The following CDH12 variants were observed in gnomAD, a reference collection of about 807,000 sequenced individuals.
CDH12 encodes cadherin 12, also known as cadherin-12.
CDH12 carries 41 observed loss-of-function variants against 74.1 expected under a neutral mutation model. The observed-to-expected ratio is 0.55, with a 90% CI of 0.43 to 0.72. The LOEUF is 0.72. Among genes scored for constraint, CDH12 ranks in the 30% least tolerant of loss-of-function variants. The pLI is 0.00. For synonymous variants in CDH12, 399 were observed against 355.0 expected (o/e 1.12, Z -1.39); for missense variants, 945 against 977.2 (o/e 0.97, Z 0.44).
chr5:22,170,640 C>G (rs560592224), intron 4 of CDH12, among the ~76,000 whole-genome samples: 8 of 151,382 alleles, frequency 5.3e-5, no homozygotes, highest in Admixed American at 3.3e-4. Context: ...GTGCTTTCCT[C>G]TAATTATCAT....
intron 1 of CDH12, among the ~76,000 whole-genome samples, chr5:22,730,453 ATC>A (rs1744376829): frequency 6.6e-6 from 1 of 151,864 alleles, no homozygotes; most frequent in African/African-American, 2.4e-5. Context: ...GAAAAAAGTA[ATC>A]TGAGTCCTAG....
chr5:21,832,321 G>T (rs1749068264), intron 8 of CDH12, among the ~76,000 whole-genome samples: 1 of 152,042 alleles, frequency 6.6e-6, no homozygotes, highest in African/African-American at 2.4e-5. Flanking sequence ...TGTGATATTA[G>T]TAATAATAGC....
At position 22,001,808 on chromosome 5, in the gene CDH12, C is replaced by T. The variant is rs1050219939; in HGVS notation, c.232-26423G>A. On this transcript the variant is annotated intron_variant, in intron 5 of 14. Coordinates refer to ENST00000382254, the MANE Select transcript of CDH12 (RefSeq NM_004061.5). ...GATTAGAGATGCAGAAACTGGTTTA[C>T]GATCATAAAAAAGAAAGCCACATGT... is the stretch of plus-strand genomic sequence containing the variant. Among the ~76,000 whole-genome samples the T allele has an allele frequency of 8.3e-4, 126 of 151,840 alleles. 1 individual carries two copies. Among genetic ancestry groups the T allele is most frequent in the African/African-American group, 3.0e-3 (123 of 41,396 alleles).
chr5:21,822,341 G>C (rs184622528), intron 8 of CDH12, among the ~76,000 whole-genome samples: 19 of 149,364 alleles, frequency 1.3e-4, no homozygotes, highest in Non-Finnish European at 2.2e-4. Context: ...GGAGATGAAA[G>C]AAAGACAGAT....
At chr5:22,834,152 C>T (rs1736727461) in intron 1 of CDH12, among the ~76,000 whole-genome samples, 2 of 152,142 alleles carry the variant, frequency 1.3e-5, no homozygotes, top group Non-Finnish European at 2.9e-5. Flanking sequence ...CTCTTTTCCT[C>T]TGGAATAGGT....
chr5:22,545,676 A>G (rs530029840), intron 1 of CDH12, among the ~76,000 whole-genome samples: 2 of 152,352 alleles, frequency 1.3e-5, no homozygotes, highest in African/African-American at 4.8e-5. Context: ...ATTTTAATCC[A>G]TAAATTATCT....
chr5:21,796,970 C>G (rs1746814548), intron 10 of CDH12, among the ~76,000 whole-genome samples: 1 of 152,040 alleles, frequency 6.6e-6, no homozygotes, highest in Non-Finnish European at 1.5e-5. Flanking sequence ...GTGTTCACCT[C>G]AAACAAATAT....
chr5:21,781,606 A>G (rs990665159), intron 11 of CDH12, among the ~76,000 whole-genome samples: 1 of 151,880 alleles, frequency 6.6e-6, no homozygotes, highest in Non-Finnish European at 1.5e-5. Flanking sequence ...TGCCTGTGAT[A>G]CCAGCTACTC....
intron 3 of CDH12, among the ~76,000 whole-genome samples, chr5:22,328,104 C>T (rs1028937073): frequency 1.3e-5 from 2 of 152,120 alleles, no homozygotes; most frequent in African/African-American, 4.8e-5. Flanking sequence ...TTCACTAGAG[C>T]TTCTATCTAT....
At chr5:22,651,925 A>AC (rs996584309) in intron 1 of CDH12, among the ~76,000 whole-genome samples, 34 of 151,968 alleles carry the variant, frequency 2.2e-4, no homozygotes, top group Non-Finnish European at 4.1e-4. Flanking sequence ...TCACAGGAAA[A>AC]CCCCCCTCGG....
Position 22,732,471 on chromosome 5 carries a change from TAC to T in CDH12, c.-523+120585_-523+120586del, listed in dbSNP as rs58402882. 1.1e-3 allele frequency among the ~76,000 whole-genome samples: 78 copies of T among 72,686 alleles called. No homozygotes were observed. The Middle Eastern group carries it at 0.03, about 28-fold the overall frequency. The allele number at this position is 72,686 out of a possible 152,430, so 47.7% of individuals were successfully genotyped here. On this transcript the variant is annotated intron_variant, in intron 1 of 14. Coordinates refer to ENST00000382254, the MANE Select transcript of CDH12 (RefSeq NM_004061.5). Reference sequence around the variant, plus strand: ...GAATGTGTGTGTATATATATATATATACACACACACACACACACACACACACA... The same window carrying T: ...GAATGTGTGTGTATATATATATATATACACACACACACACACACACACACA...
At chr5:21,985,761 A>G (rs1433456356) in intron 5 of CDH12, among the ~76,000 whole-genome samples, 1 of 152,130 alleles carries the variant, frequency 6.6e-6, no homozygotes, top group Non-Finnish European at 1.5e-5. Context: ...TCAAGCTAAT[A>G]CTTATTCTGA....
intron 1 of CDH12, among the ~76,000 whole-genome samples, chr5:22,651,439 T>A (rs1739730947): frequency 6.6e-6 from 1 of 151,918 alleles, no homozygotes; most frequent in Non-Finnish European, 1.5e-5. Flanking sequence ...GAAGCAGAAG[T>A]AAGGAAACTT....
At chr5:21,839,710 C>A (rs1749732780) in intron 8 of CDH12, among the ~76,000 whole-genome samples, 1 of 152,048 alleles carries the variant, frequency 6.6e-6, no homozygotes, top group South Asian at 2.1e-4. Flanking sequence ...AGTAGATGAA[C>A]TCGTAAACTC....
chr5:22,065,784 G>T (rs955029967), intron 5 of CDH12, among the ~76,000 whole-genome samples: 19 of 152,244 alleles, frequency 1.2e-4, no homozygotes, highest in African/African-American at 4.1e-4. Context: ...CTGGGTGACA[G>T]GGGCCTTGTT....
intron 4 of CDH12, among the ~76,000 whole-genome samples, chr5:22,087,155 G>A (rs1036618533): frequency 9.2e-5 from 14 of 152,190 alleles, no homozygotes; most frequent in South Asian, 4.1e-4. Context: ...AATAATTAAG[G>A]AAACCTGAAG....
chr5:22,724,468 G>A (rs1744061094), intron 1 of CDH12, among the ~76,000 whole-genome samples: 1 of 151,824 alleles, frequency 6.6e-6, no homozygotes, highest in Admixed American at 6.6e-5. Flanking sequence ...CCACTAATAA[G>A]TGAGACCATA....
At chr5:22,022,613 C>A (rs1738061949) in intron 5 of CDH12, among the ~76,000 whole-genome samples, 1 of 152,134 alleles carries the variant, frequency 6.6e-6, no homozygotes, top group East Asian at 1.9e-4. Flanking sequence ...GATTATCTTA[C>A]ATTTTGAAGT....
chr5:22,818,367 A>G (rs920567972), intron 1 of CDH12, among the ~76,000 whole-genome samples: 2 of 152,024 alleles, frequency 1.3e-5, no homozygotes, highest in African/African-American at 4.8e-5. Flanking sequence ...TATACATCAC[A>G]GCTTTCCCTC....
Sources: gnomAD v4.1 joint callset for allele counts (sites outside exome capture counted in the v4.1 genomes callset) on GRCh38, gnomAD v4.1.1 for gene constraint, MANE v1.5 for transcripts, NCBI Gene and HGNC (gene_info 2026-07-23, HGNC 2026-07-21) for gene names.